The following CREBRF variants were observed in gnomAD, a reference collection of about 807,000 sequenced individuals.
CREBRF encodes the protein UPF0474 protein C5orf41.
CREBRF carries 5 observed loss-of-function variants against 66.1 expected under a neutral mutation model. That is an observed-to-expected ratio of 0.08 (90% CI 0.04 to 0.16). The LOEUF (loss-of-function observed/expected upper bound fraction) is 0.16. Among genes scored for constraint, CREBRF ranks in the 10% least tolerant of loss-of-function variants. The pLI, the probability that CREBRF is intolerant of heterozygous loss-of-function variation, is 1.00. For synonymous variants in CREBRF, 229 were observed against 264.4 expected (o/e 0.87, Z 1.30); for missense variants, 531 against 744.9 (o/e 0.71, Z 3.34).
chr5:173,093,763 C>T (rs539024151), intron 4 of CREBRF, among the ~76,000 whole-genome samples: 10 of 152,338 alleles, frequency 6.6e-5, no homozygotes, highest in South Asian at 4.1e-4. Flanking sequence ...GCCACCTGCC[C>T]GCCTCAGCCT....
intron 3 of CREBRF, among the ~76,000 whole-genome samples, chr5:173,088,782 CTG>C (rs1371925517): frequency 6.6e-6 from 1 of 152,044 alleles, no homozygotes; most frequent in Non-Finnish European, 1.5e-5. Flanking sequence ...AACTGGAAAA[CTG>C]AGTGCTCAAA....
intron 1 of CREBRF, among the ~76,000 whole-genome samples, chr5:173,065,656 T>TTTCTTC (rs1450813439): frequency 7.4e-6 from 1 of 135,080 alleles, no homozygotes; most frequent in Non-Finnish European, 1.6e-5. Context: ...TCTTTTCCTT[T>TTTCTTC]TTCTTCTTCT....
chr5:173,088,689 AAT>A (rs1160325350), intron 3 of CREBRF, among the ~76,000 whole-genome samples: 1 of 152,208 alleles, frequency 6.6e-6, no homozygotes, highest in African/African-American at 2.4e-5. Context: ...TCTTGAGGTA[AAT>A]AGACACTTAA....
intron 1 of CREBRF, among the ~76,000 whole-genome samples, chr5:173,073,701 C>T (rs984873558): frequency 2.1e-4 from 32 of 152,258 alleles, no homozygotes; most frequent in African/African-American, 7.7e-4. Flanking sequence ...GGCGCAGTGG[C>T]TTACGCCTGT....
intron 1 of CREBRF, among the ~76,000 whole-genome samples, chr5:173,066,437 A>T (rs1294409364): frequency 6.6e-6 from 1 of 151,884 alleles, no homozygotes; most frequent in Non-Finnish European, 1.5e-5. Flanking sequence ...AAACTTTCCC[A>T]GGTAGTAGTA....
intron 1 of CREBRF, among the ~76,000 whole-genome samples, chr5:173,060,079 A>AG (rs1757221344): frequency 6.6e-6 from 1 of 152,174 alleles, no homozygotes; most frequent in Non-Finnish European, 1.5e-5. Context: ...TACAAGTGAC[A>AG]GTGAAGTACA....
At chr5:173,100,032 A>T (rs1758576971) in intron 4 of CREBRF, among the ~76,000 whole-genome samples, 1 of 141,282 alleles carries the variant, frequency 7.1e-6, no homozygotes, top group African/African-American at 2.6e-5. Flanking sequence ...TTAGCCTCCC[A>T]AGTAGCTGGG....
In CREBRF at chr5:173,110,505, T is replaced by A; in HGVS notation, c.1418-17T>A. 1 of 1,596,006 alleles carries A rather than the reference T, an allele frequency of 6.3e-7. No homozygotes were observed. ...ATTAAAGTGATCTGACTTAAACTTC[T>A]TTTAAACTGTTTATAGGAAAATATG... On this transcript the variant is annotated splice_polypyrimidine_tract_variant and intron_variant, in intron 5 of 8. Transcript: ENST00000296953.
intron 1 of CREBRF, among the ~76,000 whole-genome samples, chr5:173,064,009 A>G (rs1757360318): frequency 6.6e-6 from 1 of 152,188 alleles, no homozygotes; most frequent in South Asian, 2.1e-4. Flanking sequence ...GGCGTGAGCC[A>G]ATGCACTGGC....
rs537784460 is a variant in CREBRF at position 173,104,112 on chromosome 5, C to G, written c.1223-4512C>G. ...TGAAAAAAGTAGACATCTTTATCTT[C>G]ATGGAATTTAGTGTTAAGTGGGTTT... is the stretch of plus-strand genomic sequence containing the variant. On this transcript the variant is annotated intron_variant, in intron 4 of 8. Transcript: ENST00000296953. Among the ~76,000 whole-genome samples the G allele has an allele frequency of 2.6e-5, 4 of 152,256 alleles. No homozygotes were observed. The South Asian group carries it at 8.3e-4, about 32-fold the overall frequency.
At chr5:173,105,223 ATATG>A (rs1490479582) in intron 4 of CREBRF, among the ~76,000 whole-genome samples, 13 of 136,060 alleles carry the variant, frequency 9.6e-5, no homozygotes, top group South Asian at 2.7e-4. Context: ...ATGTGTGTAT[ATATG>A]TGTGTGTGTG....
intron 4 of CREBRF, among the ~76,000 whole-genome samples, chr5:173,103,115 G>A (rs1758667227): frequency 6.6e-6 from 1 of 152,156 alleles, no homozygotes; most frequent in Non-Finnish European, 1.5e-5. Flanking sequence ...TTATTTATTA[G>A]CATGTTGCTC....
chr5:173,071,237 G>A (rs1757591875), intron 1 of CREBRF, among the ~76,000 whole-genome samples: 3 of 152,216 alleles, frequency 2.0e-5, no homozygotes, highest in South Asian at 4.2e-4. Context: ...TTGAGATGGA[G>A]TTTTGCTTTT....
intron 2 of CREBRF, 145 bp downstream of exon 2, chr5:173,080,929 A>G (rs998854298): frequency 1.3e-6 from 1 of 754,780 alleles, no homozygotes; most frequent in Non-Finnish European, 2.2e-6. Flanking sequence ...TTTTGAGTAC[A>G]TGTTCTTCCT....
intron 1 of CREBRF, among the ~76,000 whole-genome samples, chr5:173,063,777 C>T (rs1757351897): frequency 6.6e-6 from 1 of 151,598 alleles, no homozygotes; most frequent in African/African-American, 2.4e-5. Flanking sequence ...GGCTGGAGTG[C>T]AGTGGTGTAA....
intron 1 of CREBRF, among the ~76,000 whole-genome samples, chr5:173,069,845 C>A (rs1462643806): frequency 6.6e-6 from 1 of 151,942 alleles, no homozygotes; most frequent in African/African-American, 2.4e-5. Flanking sequence ...TTGAATATAT[C>A]TCTAGTATAT....
rs2113735433 is a variant in CREBRF at position 173,090,191 on chromosome 5, C to A, written c.136-124C>A. On this transcript the variant is annotated intron_variant, in intron 3 of 8. Transcript: ENST00000296953. This position sits in a 1 kb window ranked among gnomAD's most constrained non-coding sequence, Gnocchi z 4.5. Reference sequence around the variant, plus strand: ...ACATTATATGAAATGATAAAGCGTCCTGTCAGTAGCCTTTATGTTAAAACA... The same window carrying A: ...ACATTATATGAAATGATAAAGCGTCATGTCAGTAGCCTTTATGTTAAAACA... 1.6e-6 allele frequency: 1 copy of A among 618,936 alleles called. No individual in the cohort carries two copies. Among genetic ancestry groups the A allele is most frequent in the Non-Finnish European group, 2.7e-6 (1 of 370,040 alleles). 38.3% of individuals were successfully genotyped at this position (618,936 alleles called of 1,614,324 possible). A position where few individuals can be genotyped will look rare whatever the true frequency, so the allele number is the denominator to read the frequency against.
chr5:173,095,252 G>A (rs1480194456), intron 4 of CREBRF, among the ~76,000 whole-genome samples: 6 of 134,408 alleles, frequency 4.5e-5, no homozygotes, highest in South Asian at 2.5e-4. Flanking sequence ...GCAGTGGCCC[G>A]ATCTTGGCTC....
intron 2 of CREBRF, among the ~76,000 whole-genome samples, chr5:173,085,186 G>A (rs1482016191): frequency 1.2e-4 from 18 of 151,182 alleles, no homozygotes; most frequent in Non-Finnish European, 2.4e-4. Context: ...CAGGTGATCC[G>A]CCTGCCTTGG....
Sources: allele counts gnomAD v4.1 joint callset (sites outside exome capture counted in the v4.1 genomes callset), GRCh38; gene constraint gnomAD v4.1.1; non-coding constraint Gnocchi (gnomAD v3.1); transcripts MANE v1.5; gene names NCBI Gene and HGNC (gene_info 2026-07-23, HGNC 2026-07-21).